The following HHAT variants were observed in gnomAD, a reference collection of about 807,000 sequenced individuals.
The protein encoded by HHAT is hedgehog acyltransferase, also known as protein-cysteine N-palmitoyltransferase HHAT.
Under a neutral mutation model 70.8 loss-of-function variants are expected in HHAT, and 47 were observed. That is an observed-to-expected ratio of 0.66 (90% CI 0.53 to 0.85). The LOEUF (loss-of-function observed/expected upper bound fraction) is 0.85. HHAT is among the 40% of genes least tolerant of loss of function. HHAT has a pLI of 0.00. For synonymous variants in HHAT, 228 were observed against 247.6 expected, an observed-to-expected ratio of 0.92 and a Z score of 0.74; for missense variants, 609 against 604.8, an observed-to-expected ratio of 1.01 and a Z score of -0.07.
intron 1 of HHAT, among the ~76,000 whole-genome samples, chr1:210,336,629 A>G (rs1558304011): frequency 6.6e-6 from 1 of 151,918 alleles, no homozygotes; most frequent in South Asian, 2.1e-4. Context: ...AAACAAGACT[A>G]AAAAATTAGC....
chr1:210,349,095 A>G (rs1219244955), intron 2 of HHAT, 29 bp downstream of exon 2: 3 of 1,605,960 alleles, frequency 1.9e-6, no homozygotes, highest in Non-Finnish European at 2.5e-6. Context: ...CAGACCTCCT[A>G]TCAAACAAGG....
At chr1:210,418,404 G>T in intron 7 of HHAT, 79 bp downstream of exon 7, 1 of 1,159,524 alleles carries the variant, frequency 8.6e-7, no homozygotes. Flanking sequence ...GGAGTGGGGG[G>T]TGAGCAGGGG....
chr1:210,439,097 G>T (rs1303944170), intron 7 of HHAT, among the ~76,000 whole-genome samples: 1 of 151,892 alleles, frequency 6.6e-6, no homozygotes. Flanking sequence ...TAAGGGGTTT[G>T]GTGTCCGCAT....
chr1:210,353,454 TA>T (rs370676908), intron 2 of HHAT, among the ~76,000 whole-genome samples: 3,380 of 54,196 alleles, frequency 0.062, 122 homozygotes, highest in African/African-American at 0.16. Context: ...TTTTTTTTTT[TA>T]AAAAAAAGCA....
At chr1:210,629,362 C>G (rs776101231) in intron 11 of HHAT, among the ~76,000 whole-genome samples, 1 of 152,244 alleles carries the variant, frequency 6.6e-6, no homozygotes, top group African/African-American at 2.4e-5. Context: ...GAAACAAATT[C>G]TAAAACACCC....
At chr1:210,597,694 A>G (rs1408567554) in intron 10 of HHAT, among the ~76,000 whole-genome samples, 8 of 151,856 alleles carry the variant, frequency 5.3e-5, no homozygotes, top group Non-Finnish European at 4.4e-5. Flanking sequence ...GCTTGTGATG[A>G]ATGCTGCCAA....
chr1:210,662,221 C>A (rs1169063396), intron 11 of HHAT, among the ~76,000 whole-genome samples: 2 of 152,158 alleles, frequency 1.3e-5, no homozygotes, highest in African/African-American at 4.8e-5. Flanking sequence ...AGTTTGCCCT[C>A]AGCCTTCGGT....
chr1:210,351,454 A>AT (rs2087015509), intron 2 of HHAT, among the ~76,000 whole-genome samples: 1 of 152,148 alleles, frequency 6.6e-6, no homozygotes, highest in Non-Finnish European at 1.5e-5. Flanking sequence ...TGGATGTTGG[A>AT]TTTTGTCAAG....
chr1:210,491,943 A>G lies in HHAT; in HGVS notation c.1008-21210A>G, dbSNP rs376268425. 2.2e-4 allele frequency among the ~76,000 whole-genome samples: 33 copies of G among 152,192 alleles called. 1 individual carries two copies. The South Asian group carries it at 6.8e-3, about 32-fold the overall frequency. On this transcript the variant is annotated intron_variant, in intron 8 of 11. Transcript: ENST00000261458. The stretch of plus-strand genomic sequence containing the variant: ...ATGCTTGGCTAATTTTTGTATTTTT[A>G]GTAGAGACAGGATTTTACCATGTTG...
chr1:210,429,244 C>T (rs552329451), intron 7 of HHAT, among the ~76,000 whole-genome samples: 5 of 151,946 alleles, frequency 3.3e-5, no homozygotes, highest in African/African-American at 7.3e-5. Flanking sequence ...ACTACAATTA[C>T]ATATCACACT....
chr1:210,474,900 G>A, intron 8 of HHAT, among the ~76,000 whole-genome samples: 1 of 151,766 alleles, frequency 6.6e-6, no homozygotes. Flanking sequence ...ACTAAGGTTG[G>A]AGTGCAGTGG....
chr1:210,525,945 C>A (rs770926753), intron 9 of HHAT, among the ~76,000 whole-genome samples: 2 of 152,186 alleles, frequency 1.3e-5, no homozygotes, highest in East Asian at 1.9e-4. Context: ...CTTTTGAATT[C>A]TTTTCCTAAT....
chr1:210,592,227 G>A (rs1242827726), intron 10 of HHAT, among the ~76,000 whole-genome samples: 1 of 151,922 alleles, frequency 6.6e-6, no homozygotes, highest in African/African-American at 2.4e-5. Flanking sequence ...AGAGATAGGG[G>A]TCTAGTTTCA....
At chr1:210,492,474 A>C (rs996818759) in intron 8 of HHAT, among the ~76,000 whole-genome samples, 17 of 152,198 alleles carry the variant, frequency 1.1e-4, no homozygotes, top group African/African-American at 3.6e-4. Context: ...TGGATGAGTG[A>C]AGGCACTTTG....
intron 3 of HHAT, among the ~76,000 whole-genome samples, chr1:210,367,867 T>G (rs2089155016): frequency 6.6e-6 from 1 of 152,070 alleles, no homozygotes; most frequent in African/African-American, 2.4e-5. Flanking sequence ...ATCCTTTTTT[T>G]GTAATGTTTG....
chr1:210,567,245 T>G (rs1654990872), intron 9 of HHAT, among the ~76,000 whole-genome samples: 1 of 152,222 alleles, frequency 6.6e-6, no homozygotes, highest in African/African-American at 2.4e-5. Context: ...TTTCTTACTC[T>G]TAGACATTTC....
intron 4 of HHAT, among the ~76,000 whole-genome samples, chr1:210,391,321 T>G (rs2091442509): frequency 6.6e-6 from 1 of 152,186 alleles, no homozygotes; most frequent in Non-Finnish European, 1.5e-5. Context: ...ATCAAAAGTA[T>G]TAAACTTTTA....
At chr1:210,357,463 CA>C (rs2087762324) in intron 2 of HHAT, among the ~76,000 whole-genome samples, 1 of 152,210 alleles carries the variant, frequency 6.6e-6, no homozygotes, top group African/African-American at 2.4e-5. Context: ...ACCATTAGAA[CA>C]TACTCACTTT....
At chr1:210,652,739 G>A (rs974165336) in intron 11 of HHAT, among the ~76,000 whole-genome samples, 1 of 152,196 alleles carries the variant, frequency 6.6e-6, no homozygotes, top group Non-Finnish European at 1.5e-5. Flanking sequence ...TCAGAAAAAG[G>A]AAATGCAAAT....
Sources: allele counts gnomAD v4.1 joint callset (sites outside exome capture counted in the v4.1 genomes callset), GRCh38; gene constraint gnomAD v4.1.1; transcripts MANE v1.5; gene names NCBI Gene and HGNC (gene_info 2026-07-23, HGNC 2026-07-21).